Variants in PPP1R3A observed in about 807,000 individuals in gnomAD.
PPP1R3A encodes the protein protein phosphatase 1 regulatory subunit 3A, also known as RG1.
In PPP1R3A, 29 loss-of-function variants were observed where a neutral mutation model predicts 41.7. That is an observed-to-expected ratio of 0.70 (90% CI 0.52 to 0.95). The LOEUF is 0.95. Ranked by LOEUF, PPP1R3A falls within the 40% of genes least tolerant of loss-of-function variation. PPP1R3A has a pLI of 0.00. For synonymous variants in PPP1R3A, 485 were observed against 453.4 expected, an observed-to-expected ratio of 1.07 and a Z score of -0.89; for missense variants, 1,352 against 1,292.4, an observed-to-expected ratio of 1.05 and a Z score of -0.71.
intron 1 of PPP1R3A, among the ~76,000 whole-genome samples, chr7:113,896,039 G>A (rs756582063): frequency 2.0e-5 from 3 of 151,884 alleles, no homozygotes; most frequent in Admixed American, 6.6e-5. Context: ...ATTAATATGC[G>A]GATCATTGAC....
intron 1 of PPP1R3A, among the ~76,000 whole-genome samples, chr7:113,910,728 G>T (rs941818630): frequency 6.6e-6 from 1 of 152,016 alleles, no homozygotes; most frequent in South Asian, 2.1e-4. Flanking sequence ...GTAATTTTTA[G>T]AAATGAAAAT....
At chr7:113,892,392 T>C (rs1339430952) in intron 1 of PPP1R3A, among the ~76,000 whole-genome samples, 1 of 152,086 alleles carries the variant, frequency 6.6e-6, no homozygotes, top group Non-Finnish European at 1.5e-5. Flanking sequence ...CATAATGTTA[T>C]GTTGCAGCTT....
chr7:113,909,626 A>C (rs1797210295), intron 1 of PPP1R3A, among the ~76,000 whole-genome samples: 1 of 152,074 alleles, frequency 6.6e-6, no homozygotes, highest in Non-Finnish European at 1.5e-5. Flanking sequence ...TGGCGTATGC[A>C]TTAAAACACT....
chr7:113,893,923 T>C lies in PPP1R3A; in HGVS notation c.783-11603A>G, dbSNP rs1796934419. ...TGGAGAATTCTTTGCTAAATCTCTC[T>C]TCAAAAGTTTCTTCATTTTTTTAAC... is the stretch of plus-strand genomic sequence containing the variant. On this transcript the variant is annotated intron_variant, in intron 1 of 3. Coordinates refer to ENST00000284601, the MANE Select transcript of PPP1R3A (RefSeq NM_002711.4). Among the ~76,000 whole-genome samples, 3 of 151,980 alleles carry C rather than the reference T, an allele frequency of 2.0e-5. No homozygotes were observed. The South Asian group carries it at 6.2e-4, about 31-fold the overall frequency.
At chr7:113,909,004 G>A (rs1037253895) in intron 1 of PPP1R3A, among the ~76,000 whole-genome samples, 2 of 151,834 alleles carry the variant, frequency 1.3e-5, no homozygotes, top group Non-Finnish European at 2.9e-5. Flanking sequence ...TGAAGAGAAA[G>A]AGGGGAGCAA....
intron 1 of PPP1R3A, among the ~76,000 whole-genome samples, chr7:113,907,729 G>A (rs1797169789): frequency 6.6e-6 from 1 of 151,690 alleles, no homozygotes; most frequent in Non-Finnish European, 1.5e-5. Flanking sequence ...TAAAAATTAT[G>A]AATGATAAAA....
intron 1 of PPP1R3A, among the ~76,000 whole-genome samples, chr7:113,897,981 C>T (rs1797003493): frequency 6.6e-6 from 1 of 151,720 alleles, no homozygotes; most frequent in Non-Finnish European, 1.5e-5. Context: ...GGATAGGGAT[C>T]TCTGTCACAC....
Position 113,878,289 on chromosome 7 carries a change from C to A in PPP1R3A, c.2803G>T (p.Glu935Ter). The change falls in exon 4 of 4, where the codon GAG becomes TAG. Residue 935 changes from glutamate (E) to a stop codon, truncating the protein, a stop_gained. Coordinates refer to ENST00000284601, the MANE Select transcript of PPP1R3A (RefSeq NM_002711.4). LOFTEE classifies it low-confidence loss of function (END_TRUNC). ...VSTNEQAIAV[E>*]NAVTTMASQP... ...CTAGCCATGGTAGTAACTGCATTCT[C>A]TACAGCAATTGCCTGCTCATTAGTT... The A allele has an allele frequency of 3.7e-6, 6 of 1,613,130 alleles. No homozygotes were observed. The highest frequency in any genetic ancestry group is 5.1e-6 in the Non-Finnish European group (6 of 1,179,568).
chr7:113,888,270 G>T (rs762936406), intron 1 of PPP1R3A, among the ~76,000 whole-genome samples: 32 of 152,028 alleles, frequency 2.1e-4, no homozygotes, highest in Admixed American at 2.0e-4. Context: ...ATTTACCAAC[G>T]TATTTCTGGA....
At chr7:113,916,073 A>G (rs1441100980) in intron 1 of PPP1R3A, among the ~76,000 whole-genome samples, 1 of 152,090 alleles carries the variant, frequency 6.6e-6, no homozygotes, top group African/African-American at 2.4e-5. Context: ...AGATGTAAAA[A>G]TTCATGTTGG....
chr7:113,918,116 T>C, intron 1 of PPP1R3A, 99 bp downstream of exon 1: 8 of 1,194,146 alleles, frequency 6.7e-6, no homozygotes, highest in Non-Finnish European at 8.2e-6. Context: ...GCAAGCAGTA[T>C]ATTTTTAAAT....
chr7:113,918,225 C>T lies in PPP1R3A; in HGVS notation c.772G>A (p.Val258Ile). 5.0e-6 allele frequency: 8 copies of T among 1,600,272 alleles called. No individual in the cohort carries two copies. The highest frequency in any genetic ancestry group is 6.8e-6 in the Non-Finnish European group (8 of 1,175,390). The change falls in exon 1 of 4, where the codon GTA becomes ATA. Residue 258 changes from valine (V) to isoleucine (I), a missense_variant. Coordinates refer to ENST00000284601, the MANE Select transcript of PPP1R3A (RefSeq NM_002711.4). ...PNRQIKGCLK[V>I]KSSKEESSVT... ...AAGATATATCCTCACCTTGATTTTA[C>T]CTTTAAGCAGCCTTTTATTTGTCTG...
chr7:113,910,410 T>C lies in PPP1R3A; in HGVS notation c.782+7805A>G, dbSNP rs138770624. On this transcript the variant is annotated intron_variant, in intron 1 of 3. Transcript: ENST00000284601. ...GTATTAACATTGGAAACAATAATTA[T>C]AACTATATTTACACTAAATACTAAA... 1.2e-3 allele frequency among the ~76,000 whole-genome samples: 177 copies of C among 152,212 alleles called. 1 individual carries two copies. The highest frequency in any genetic ancestry group is 4.0e-3 in the African/African-American group (168 of 41,560).
intron 1 of PPP1R3A, among the ~76,000 whole-genome samples, chr7:113,885,760 A>G (rs1390445849): frequency 6.6e-6 from 1 of 150,820 alleles, no homozygotes; most frequent in East Asian, 2.0e-4. Context: ...CTTTTTATTA[A>G]GCTAAAAACT....
chr7:113,884,380 T>C (rs1796745479), intron 1 of PPP1R3A, among the ~76,000 whole-genome samples: 2 of 152,056 alleles, frequency 1.3e-5, no homozygotes, highest in Admixed American at 1.3e-4. Context: ...TGAAGATTTA[T>C]TTATTAAGAT....
At chr7:113,904,442 T>G (rs1390955300) in intron 1 of PPP1R3A, among the ~76,000 whole-genome samples, 1 of 151,784 alleles carries the variant, frequency 6.6e-6, no homozygotes, top group East Asian at 1.9e-4. Flanking sequence ...CATAAGTTTA[T>G]GTAATAGCAA....
Position 113,882,328 on chromosome 7 carries a change from A to G in PPP1R3A, c.783-8T>C, listed in dbSNP as rs1194183284. On this transcript the variant is annotated splice_polypyrimidine_tract_variant and splice_region_variant and intron_variant, in intron 1 of 3. Transcript: ENST00000284601. ...ACTGATGATTCTTCTTTACTGTTAA[A>G]TTTAAAAGAAAATGTTATATGTTTT... 2 of 1,422,764 alleles carry G rather than the reference A, an allele frequency of 1.4e-6. No individual in the cohort carries two copies. The highest frequency in any genetic ancestry group is 3.8e-4 in the Middle Eastern group (2 of 5,296). The allele number at this position is 1,422,764 out of a possible 1,614,324, so 88.1% of individuals were successfully genotyped here. A position where few individuals can be genotyped will look rare whatever the true frequency, so the allele number is the denominator to read the frequency against.
At chr7:113,895,409 G>C (rs1193687828) in intron 1 of PPP1R3A, among the ~76,000 whole-genome samples, 1 of 151,902 alleles carries the variant, frequency 6.6e-6, no homozygotes, top group Admixed American at 6.6e-5. Flanking sequence ...AAGTTAGAAT[G>C]TTAAAAGTAG....
At chr7:113,912,306 C>G (rs182518228) in intron 1 of PPP1R3A, among the ~76,000 whole-genome samples, 2 of 152,212 alleles carry the variant, frequency 1.3e-5, no homozygotes, top group East Asian at 3.9e-4. Flanking sequence ...TGCAACTGAC[C>G]TCAATGGGTA....
Sources: allele counts gnomAD v4.1 joint callset (sites outside exome capture counted in the v4.1 genomes callset), GRCh38; gene constraint gnomAD v4.1.1; transcripts MANE v1.5; gene names NCBI Gene and HGNC (gene_info 2026-07-23, HGNC 2026-07-21).